NUBPL: variants seen among roughly 807,000 people sequenced by gnomAD.
The protein encoded by NUBPL is iron-sulfur cluster transfer protein NUBPL.
A neutral mutation model predicts 45.7 loss-of-function variants in NUBPL; 31 were observed. The ratio of observed to expected loss-of-function variants is 0.68; its 90% CI spans 0.51 to 0.92. NUBPL has a LOEUF of 0.92. Ranked by LOEUF, NUBPL falls within the 40% of genes least tolerant of loss-of-function variation. The pLI, the probability that NUBPL is intolerant of heterozygous loss-of-function variation, is 0.00. For missense variants in NUBPL, 401 were observed against 398.7 expected, an observed-to-expected ratio of 1.01 and a Z score of -0.05; for synonymous variants, 144 against 140.9, an observed-to-expected ratio of 1.02 and a Z score of -0.15.
At position 31,666,226 on chromosome 14, in the gene NUBPL, A is replaced by AAG. The variant is rs1335199249; in HGVS notation, c.383-7127_383-7126dup. Among the ~76,000 whole-genome samples, 28 of 53,520 alleles carry AAG rather than the reference A, an allele frequency of 5.2e-4. 1 individual carries two copies. The highest frequency in any genetic ancestry group is 1.3e-3 in the East Asian group (2 of 1,592). The allele number at this position is 53,520 out of a possible 152,430, so 35.1% of individuals were successfully genotyped here. A position where few individuals can be genotyped will look rare whatever the true frequency, so the allele number is the denominator to read the frequency against. On this transcript the variant is annotated intron_variant, in intron 4 of 10. Coordinates refer to ENST00000281081, the MANE Select transcript of NUBPL (RefSeq NM_025152.3). The stretch of plus-strand genomic sequence containing the variant: ...TGGGGCATTTAGCCCATTTATATTT[A>AAG]AGATATATATATATATATATATATA...
At chr14:31,677,118 G>A (rs964522185) in intron 6 of NUBPL, among the ~76,000 whole-genome samples, 5 of 152,080 alleles carry the variant, frequency 3.3e-5, no homozygotes, top group African/African-American at 1.2e-4. Flanking sequence ...CAGGCACTGA[G>A]TAATAATTGC....
chr14:31,815,637 G>C (rs1454944884), intron 7 of NUBPL, among the ~76,000 whole-genome samples: 2 of 152,120 alleles, frequency 1.3e-5, no homozygotes, highest in East Asian at 1.9e-4. Flanking sequence ...AATGCTTCCA[G>C]CTTTTGCCCA....
intron 6 of NUBPL, among the ~76,000 whole-genome samples, chr14:31,699,014 C>A (rs1451002262): frequency 6.6e-6 from 1 of 152,136 alleles, no homozygotes; most frequent in Non-Finnish European, 1.5e-5. Flanking sequence ...ACCACCATGC[C>A]TGGCTAATTT....
chr14:31,684,984 A>G (rs1471863949), intron 6 of NUBPL, among the ~76,000 whole-genome samples: 1 of 152,198 alleles, frequency 6.6e-6, no homozygotes, highest in African/African-American at 2.4e-5. Flanking sequence ...GAAGTAGTTC[A>G]AAAGGTAGGA....
In NUBPL at chr14:31,850,018, T is replaced by C. The variant is rs1595709386; in HGVS notation, c.815-101T>C. 10 of 833,788 alleles carry C rather than the reference T, an allele frequency of 1.2e-5. No individual in the cohort carries two copies. The East Asian group carries it at 2.5e-4, about 21-fold the overall frequency. 51.6% of individuals were successfully genotyped at this position (833,788 alleles called of 1,614,324 possible). ...TTAGAAGATAGTCAATTTGAATCAA[T>C]TTAGTTCCGATTTTGTTTCTTTCCA... On this transcript the variant is annotated intron_variant, in intron 9 of 10. Coordinates refer to ENST00000281081, the MANE Select transcript of NUBPL (RefSeq NM_025152.3).
chr14:31,839,697 C>T (rs916820221), intron 8 of NUBPL, among the ~76,000 whole-genome samples: 1 of 152,090 alleles, frequency 6.6e-6, no homozygotes, highest in Non-Finnish European at 1.5e-5. Context: ...GCAAAACATG[C>T]ATAAGGAGTT....
chr14:31,767,310 C>T (rs915896083), intron 6 of NUBPL, among the ~76,000 whole-genome samples: 7 of 152,180 alleles, frequency 4.6e-5, no homozygotes, highest in Admixed American at 1.3e-4. Context: ...TCAAGCCATT[C>T]TCCTGCCTTA....
chr14:31,782,977 G>T (rs1595621235), intron 6 of NUBPL, among the ~76,000 whole-genome samples: 1 of 151,992 alleles, frequency 6.6e-6, no homozygotes, highest in South Asian at 2.1e-4. Flanking sequence ...CCTAATTTTG[G>T]TCCTTTCATG....
chr14:31,793,589 C>G (rs992524004), intron 7 of NUBPL, among the ~76,000 whole-genome samples: 7 of 152,180 alleles, frequency 4.6e-5, no homozygotes, highest in African/African-American at 1.7e-4. Context: ...AACTCAGTGC[C>G]TTTCTGCAGC....
intron 4 of NUBPL, among the ~76,000 whole-genome samples, chr14:31,630,845 A>G (rs2035322445): frequency 6.6e-6 from 1 of 152,158 alleles, no homozygotes; most frequent in South Asian, 2.1e-4. Flanking sequence ...GGAATTATAC[A>G]GCTTGTATCT....
At chr14:31,570,041 T>C (rs990594182) in intron 3 of NUBPL, among the ~76,000 whole-genome samples, 2 of 152,190 alleles carry the variant, frequency 1.3e-5, no homozygotes, top group Admixed American at 1.3e-4. Flanking sequence ...AGTCAGTTCA[T>C]TTCAGTTCAT....
chr14:31,571,520 G>A (rs976543095), intron 3 of NUBPL, among the ~76,000 whole-genome samples: 1 of 151,674 alleles, frequency 6.6e-6, no homozygotes, highest in Non-Finnish European at 1.5e-5. Context: ...CATGATCTCG[G>A]CTCACTGCAA....
intron 7 of NUBPL, among the ~76,000 whole-genome samples, chr14:31,819,393 A>G (rs1169259789): frequency 1.3e-5 from 2 of 152,204 alleles, no homozygotes; most frequent in African/African-American, 4.8e-5. Flanking sequence ...ATTGTAAGGT[A>G]TGGAATTATT....
chr14:31,782,528 C>T (rs534344280), intron 6 of NUBPL, among the ~76,000 whole-genome samples: 1 of 152,290 alleles, frequency 6.6e-6, no homozygotes, highest in South Asian at 2.1e-4. Flanking sequence ...TGGTGGCTTA[C>T]ACCTGTAATC....
intron 7 of NUBPL, among the ~76,000 whole-genome samples, chr14:31,793,828 C>CTTTTTTTTTT (rs55698198): frequency 6.6e-4 from 84 of 127,494 alleles, no homozygotes; most frequent in Middle Eastern, 4.0e-3. Flanking sequence ...CCTTATCTTT[C>CTTTTTTTTTT]TTTTTTTTTT....
At chr14:31,620,769 C>T (rs2035038192) in intron 4 of NUBPL, among the ~76,000 whole-genome samples, 1 of 152,300 alleles carries the variant, frequency 6.6e-6, no homozygotes, top group South Asian at 2.1e-4. Flanking sequence ...TCAGGGACCC[C>T]CTTGAGTAGG....
At chr14:31,822,791 A>G (rs1174486617) in intron 7 of NUBPL, among the ~76,000 whole-genome samples, 1 of 152,180 alleles carries the variant, frequency 6.6e-6, no homozygotes. Context: ...GACATGGAAG[A>G]TGATCATTGT....
intron 4 of NUBPL, among the ~76,000 whole-genome samples, chr14:31,632,048 T>A (rs1051133421): frequency 1.2e-4 from 19 of 152,190 alleles, no homozygotes; most frequent in Admixed American, 3.9e-4. Context: ...AGCATGGAGA[T>A]AATCCTGGAG....
Position 31,659,055 on chromosome 14 carries a change from G to C in NUBPL, c.383-14300G>C, listed in dbSNP as rs141276829. On this transcript the variant is annotated intron_variant, in intron 4 of 10. Coordinates refer to ENST00000281081, the MANE Select transcript of NUBPL (RefSeq NM_025152.3). The stretch of plus-strand genomic sequence containing the variant: ...GTTTTGGAGGCTGCCATGGAAGAAA[G>C]GGATTACATAAGCTGAGAGAAGGCT... Among the ~76,000 whole-genome samples, 111 of 152,268 alleles carry C rather than the reference G, an allele frequency of 7.3e-4. 1 individual carries two copies. The East Asian group carries it at 0.011, about 15-fold the overall frequency.
Sources: gnomAD v4.1 joint callset for allele counts (sites outside exome capture counted in the v4.1 genomes callset) on GRCh38, gnomAD v4.1.1 for gene constraint, MANE v1.5 for transcripts, NCBI Gene and HGNC (gene_info 2026-07-23, HGNC 2026-07-21) for gene names.